TSPAN8: variants seen among roughly 807,000 people sequenced by gnomAD.
The protein encoded by TSPAN8 is tetraspanin 8.
Under a neutral mutation model 32.8 loss-of-function variants are expected in TSPAN8, and 21 were observed. That is an observed-to-expected ratio of 0.64 (90% CI 0.45 to 0.92). The LOEUF (loss-of-function observed/expected upper bound fraction) is 0.92. Ranked by LOEUF, TSPAN8 falls within the 40% of genes least tolerant of loss-of-function variation. The probability of loss-of-function intolerance (pLI) is 0.00; values close to 1 mark genes in which losing one functional copy is unlikely to be tolerated. For missense variants in TSPAN8, 269 were observed against 281.9 expected, an observed-to-expected ratio of 0.95 and a Z score of 0.33; for synonymous variants, 95 against 94.6, an observed-to-expected ratio of 1.00 and a Z score of -0.03.
chr12:71,134,748 GTTCATATTTGGAATA>G (rs1184437586), intron 6 of TSPAN8, among the ~76,000 whole-genome samples: 1 of 152,142 alleles, frequency 6.6e-6, no homozygotes, highest in Non-Finnish European at 1.5e-5. Context: ...TTACAGATCG[GTTCATATTTGGAATA>G]TTGTAGACCT....
At chr12:71,136,997 G>T (rs1330952896) in intron 6 of TSPAN8, among the ~76,000 whole-genome samples, 2 of 152,214 alleles carry the variant, frequency 1.3e-5, no homozygotes, top group Non-Finnish European at 2.9e-5. Context: ...AGAGGTGGAT[G>T]TGGTTGCTCA....
chr12:71,134,804 CTCAT>C (rs1286917788), intron 6 of TSPAN8, among the ~76,000 whole-genome samples: 5 of 152,152 alleles, frequency 3.3e-5, no homozygotes, highest in Admixed American at 2.0e-4. Context: ...TAAAGTCATA[CTCAT>C]AGATGAGAGG....
intron 4 of TSPAN8, chr12:71,139,287 A>T (rs77376607): frequency 0.027 from 12,422 of 458,482 alleles, 1 homozygote; most frequent in East Asian, 0.16. Flanking sequence ...ACCCTCACTC[A>T]TACAAATACC....
chr12:71,157,825 G>T, intron 1 of TSPAN8, 38 bp from the exon 2 acceptor site: 1 of 599,158 alleles, frequency 1.7e-6, no homozygotes, highest in Non-Finnish European at 3.0e-6. Context: ...AGTAGAGGGA[G>T]GAATAAAAAG....
intron 2 of TSPAN8, among the ~76,000 whole-genome samples, chr12:71,152,624 T>A (rs1311711823): frequency 6.6e-6 from 1 of 152,184 alleles, no homozygotes; most frequent in Non-Finnish European, 1.5e-5. Flanking sequence ...AAGGAGCTGA[T>A]GTTTATCCTG....
At chr12:71,149,395 T>C (rs1481994340) in intron 2 of TSPAN8, among the ~76,000 whole-genome samples, 1 of 149,456 alleles carries the variant, frequency 6.7e-6, no homozygotes, top group African/African-American at 2.5e-5. Context: ...AAGAGTAGAA[T>C]GTGCATTCCC....
At chr12:71,152,158 T>C (rs73341876) in intron 2 of TSPAN8, among the ~76,000 whole-genome samples, 2,550 of 152,328 alleles carry the variant, frequency 0.017, 71 homozygotes, top group African/African-American at 0.057. Flanking sequence ...AGTGATCATT[T>C]TTATTTTACA....
intron 2 of TSPAN8, among the ~76,000 whole-genome samples, chr12:71,153,973 C>T (rs1872339285): frequency 6.6e-6 from 1 of 152,142 alleles, no homozygotes; most frequent in Non-Finnish European, 1.5e-5. Context: ...AAAGACTTGT[C>T]TCTGTTATCA....
chr12:71,129,804 CTTTA>C (rs1254751855), intron 7 of TSPAN8, among the ~76,000 whole-genome samples: 23 of 151,946 alleles, frequency 1.5e-4, no homozygotes, highest in Non-Finnish European at 2.8e-4. Context: ...TTTATCTTAA[CTTTA>C]TTCATTTTAG....
At chr12:71,149,576 C>T (rs1872181946) in intron 2 of TSPAN8, among the ~76,000 whole-genome samples, 1 of 152,138 alleles carries the variant, frequency 6.6e-6, no homozygotes, top group Admixed American at 6.5e-5. Context: ...GTCAGGGACC[C>T]CAAACAGAGG....
At chr12:71,133,174 C>T (rs1013499280) in intron 6 of TSPAN8, among the ~76,000 whole-genome samples, 1 of 152,130 alleles carries the variant, frequency 6.6e-6, no homozygotes, top group Non-Finnish European at 1.5e-5. Flanking sequence ...ACCTCCAACT[C>T]CCTGGTTCAA....
rs1469392602 is a variant in TSPAN8, at chr12:71,138,239, G to C, written c.262-9C>G. ...AGCAAGCCTATGAAAAACTGAAGAA[G>C]AGAAAAAGAAATATACATTATCCTC... On this transcript the variant is annotated splice_polypyrimidine_tract_variant and intron_variant, in intron 4 of 8. Transcript: ENST00000247829. The C allele has an allele frequency of 1.2e-6, 2 of 1,612,594 alleles. No individual in the cohort carries two copies. The highest frequency in any genetic ancestry group is 1.7e-5 in the Admixed American group (1 of 59,586).
intron 2 of TSPAN8, among the ~76,000 whole-genome samples, chr12:71,146,284 G>A (rs1282811205): frequency 6.6e-6 from 1 of 152,060 alleles, no homozygotes; most frequent in African/African-American, 2.4e-5. Flanking sequence ...TGAAACAAAT[G>A]TTTAGAGTAT....
chr12:71,134,743 G>T (rs1198508570), intron 6 of TSPAN8, among the ~76,000 whole-genome samples: 1 of 152,150 alleles, frequency 6.6e-6, no homozygotes, highest in Non-Finnish European at 1.5e-5. Flanking sequence ...CTCATTTACA[G>T]ATCGGTTCAT....
At chr12:71,138,997 T>C (rs929073638) in intron 4 of TSPAN8, among the ~76,000 whole-genome samples, 6 of 80,076 alleles carry the variant, frequency 7.5e-5, no homozygotes, top group Non-Finnish European at 1.6e-4. Context: ...ATATCCATTT[T>C]CTACTGTATA....
At chr12:71,138,254 A>G in intron 4 of TSPAN8, 24 bp from the exon 5 acceptor site, 1 of 1,609,148 alleles carries the variant, frequency 6.2e-7, no homozygotes, top group South Asian at 1.1e-5. Context: ...AAAGAAATAT[A>G]CATTATCCTC....
intron 7 of TSPAN8, among the ~76,000 whole-genome samples, chr12:71,131,845 C>G (rs999963319): frequency 6.6e-6 from 1 of 151,708 alleles, no homozygotes; most frequent in African/African-American, 2.4e-5. Context: ...CCCATAACAC[C>G]TTGCACCCAT....
At chr12:71,155,662 G>A (rs527995155) in intron 2 of TSPAN8, among the ~76,000 whole-genome samples, 1 of 152,110 alleles carries the variant, frequency 6.6e-6, no homozygotes, top group South Asian at 2.1e-4. Context: ...GATTAAAATT[G>A]TCAAATCAAT....
chr12:71,137,335 AC>A (rs550082487), intron 6 of TSPAN8, among the ~76,000 whole-genome samples: 261 of 152,216 alleles, frequency 1.7e-3, no homozygotes, highest in Non-Finnish European at 3.0e-3. Flanking sequence ...GCGGTGGCTC[AC>A]CTCTGTAATC....
Sources: gnomAD v4.1 joint callset for allele counts (sites outside exome capture counted in the v4.1 genomes callset) on GRCh38, gnomAD v4.1.1 for gene constraint, MANE v1.5 for transcripts, NCBI Gene and HGNC (gene_info 2026-07-23, HGNC 2026-07-21) for gene names.